GLDC: variants seen among roughly 807,000 people sequenced by gnomAD.
GLDC encodes glycine decarboxylase, also known as glycine dehydrogenase (decarboxylating), mitochondrial.
Under a neutral mutation model 121.3 loss-of-function variants are expected in GLDC, and 104 were observed. That is an observed-to-expected ratio of 0.86 (90% CI 0.73 to 1.01). The LOEUF (loss-of-function observed/expected upper bound fraction) is 1.01, where lower values mean the gene tolerates loss of function less well. GLDC is among the 50% of genes least tolerant of loss of function. GLDC has a pLI of 0.00. For missense variants in GLDC, 1,429 were observed against 1,306.6 expected (o/e 1.09, Z -1.44); for synonymous variants, 546 against 480.6 (o/e 1.14, Z -1.78).
intron 20 of GLDC, among the ~76,000 whole-genome samples, chr9:6,552,838 A>C (rs928060749): frequency 6.6e-6 from 1 of 152,188 alleles, no homozygotes; most frequent in South Asian, 2.1e-4. Flanking sequence ...CTAATTACGC[A>C]GAGAGCACAG....
intron 21 of GLDC, among the ~76,000 whole-genome samples, chr9:6,548,151 A>G (rs1353875444): frequency 2.0e-5 from 3 of 152,190 alleles, no homozygotes; most frequent in Non-Finnish European, 2.9e-5. Context: ...AGTATGATCA[A>G]TTGTACAAAC....
chr9:6,621,309 A>T lies in GLDC; in HGVS notation c.335-990T>A, dbSNP rs1819089183. ...TCTCGGGTCATTCATATAATCACAA[A>T]ATAATAATAGCATTTGACATTTATT... On this transcript the variant is annotated intron_variant, in intron 2 of 24. Coordinates refer to ENST00000321612, the MANE Select transcript of GLDC (RefSeq NM_000170.3). Among the ~76,000 whole-genome samples, 2 of 152,228 alleles carry T rather than the reference A, an allele frequency of 1.3e-5. 1 individual carries two copies. The highest frequency in any genetic ancestry group is 4.1e-4 in the South Asian group (2 of 4,826).
At chr9:6,593,268 GAT>G (rs34438524) in intron 9 of GLDC, among the ~76,000 whole-genome samples, 103 of 143,852 alleles carry the variant, frequency 7.2e-4, no homozygotes, top group African/African-American at 2.1e-3. Flanking sequence ...GGTAGTATCA[GAT>G]ATATATATAT....
chr9:6,633,699 T>C (rs1819437854), intron 2 of GLDC, among the ~76,000 whole-genome samples: 1 of 151,872 alleles, frequency 6.6e-6, no homozygotes, highest in East Asian at 1.9e-4. Context: ...GGAGGGTGGA[T>C]CACCTGAGGT....
chr9:6,616,221 T>G (rs978792263), intron 3 of GLDC, among the ~76,000 whole-genome samples: 2 of 152,238 alleles, frequency 1.3e-5, no homozygotes, highest in Non-Finnish European at 2.9e-5. Flanking sequence ...TTCTGCAGAA[T>G]TCTGTTTAGA....
rs764568781 is a variant in GLDC, at chr9:6,588,626, T to C, written c.1657A>G (p.Ile553Val). The C allele has an allele frequency of 6.2e-7, 1 of 1,608,496 alleles. No homozygotes were observed. Among genetic ancestry groups the C allele is most frequent in the South Asian group, 1.1e-5 (1 of 90,996 alleles). The change falls in exon 13 of 25, where the codon ATT becomes GTT. Residue 553 changes from isoleucine (I) to valine (V), a missense_variant. Physicochemically the swap from Ile to Val is conservative, Grantham distance 29. Transcript: ENST00000321612. The stretch of plus-strand genomic sequence containing the variant: ...AGGCCACAAATAACTACCAGTGGAA[T>C]CATGCTGTGAACAAGGGAAATGTCT... ...NKDISLVHSM[I>V]PLGSCTMKLN...
intron 2 of GLDC, chr9:6,623,209 T>C (rs1819153787): frequency 5.6e-6 from 1 of 177,414 alleles, no homozygotes. Flanking sequence ...AGAAATCGGA[T>C]GGTTGCTGTG....
At chr9:6,576,012 T>C (rs554893461) in intron 15 of GLDC, among the ~76,000 whole-genome samples, 4 of 152,242 alleles carry the variant, frequency 2.6e-5, no homozygotes, top group Admixed American at 6.5e-5. Context: ...GATAAGCTTC[T>C]TGACATTTTT....
intron 11 of GLDC, among the ~76,000 whole-genome samples, chr9:6,591,175 C>T (rs1818367970): frequency 6.6e-6 from 1 of 152,332 alleles, no homozygotes; most frequent in Admixed American, 6.5e-5. Flanking sequence ...ACTCATTACA[C>T]TGAACTGCTT....
intron 7 of GLDC, 53 bp from the exon 8 acceptor site, chr9:6,602,258 A>T: frequency 9.6e-7 from 1 of 1,044,416 alleles, no homozygotes; most frequent in Non-Finnish European, 1.5e-6. Flanking sequence ...GCACTGGGAG[A>T]TGCTATAAAT....
At position 6,639,165 on chromosome 9, in the gene GLDC, G is replaced by A. The variant is rs1819573866; in HGVS notation, c.334+5449C>T. On this transcript the variant is annotated intron_variant, in intron 2 of 24. Transcript: ENST00000321612. ...GATGGCGCCGAAAGCGAAGAAGGAA[G>A]CTCCTGCCCCTCCTAAAGCCGAAGC... The A allele has an allele frequency of 5.1e-6, 4 of 777,518 alleles. No individual in the cohort carries two copies. In the Admixed American group the frequency reaches 5.5e-5, roughly 11 times the overall value. 48.2% of individuals were successfully genotyped at this position (777,518 alleles called of 1,614,324 possible). A position where few individuals can be genotyped will look rare whatever the true frequency, so the allele number is the denominator to read the frequency against.
intron 2 of GLDC, chr9:6,639,506 C>G (rs1483941541): frequency 1.2e-6 from 1 of 837,306 alleles, no homozygotes; most frequent in Non-Finnish European, 2.1e-6. Context: ...ATGATGTGGC[C>G]AAGGGCAACA....
intron 22 of GLDC, among the ~76,000 whole-genome samples, chr9:6,538,164 T>G (rs1587910753): frequency 6.6e-6 from 1 of 152,222 alleles, no homozygotes; most frequent in South Asian, 2.1e-4. Context: ...CTGCCCTTAA[T>G]TCCATGTGTG....
rs141527372 is a variant in GLDC at position 6,585,361 on chromosome 9, T to A, written c.1850+1780A>T. 1.9e-3 allele frequency among the ~76,000 whole-genome samples: 286 copies of A among 152,322 alleles called. 1 individual carries two copies. The highest frequency in any genetic ancestry group is 6.5e-3 in the African/African-American group (269 of 41,568). On this transcript the variant is annotated intron_variant, in intron 15 of 24. Coordinates refer to ENST00000321612, the MANE Select transcript of GLDC (RefSeq NM_000170.3). Reference sequence around the variant, plus strand: ...TTCTTAATTTTCAACATTTAATAACTATCATAGACTCAAGGTTCAGAATTC... The same window carrying A: ...TTCTTAATTTTCAACATTTAATAACAATCATAGACTCAAGGTTCAGAATTC...
At chr9:6,588,047 C>T (rs144470099) in intron 14 of GLDC, among the ~76,000 whole-genome samples, 285 of 127,534 alleles carry the variant, frequency 2.2e-3, no homozygotes, top group African/African-American at 8.3e-3. Flanking sequence ...GCTTAAGGTT[C>T]GTAATTCTAC....
chr9:6,539,245 A>T (rs906787612), intron 22 of GLDC, among the ~76,000 whole-genome samples: 1 of 152,198 alleles, frequency 6.6e-6, no homozygotes. Context: ...TCGGAGGCCG[A>T]GGTGGGTGGA....
At chr9:6,615,101 C>T (rs370210991) in intron 3 of GLDC, among the ~76,000 whole-genome samples, 2 of 152,168 alleles carry the variant, frequency 1.3e-5, no homozygotes, top group East Asian at 1.9e-4. Context: ...TATCTCTTGC[C>T]TCTCAATGGA....
intron 21 of GLDC, among the ~76,000 whole-genome samples, chr9:6,546,699 C>A (rs575773933): frequency 6.6e-6 from 1 of 151,812 alleles, no homozygotes; most frequent in Middle Eastern, 3.2e-3. Context: ...CAGTGGCTCA[C>A]GCCTGTAATC....
intron 2 of GLDC, among the ~76,000 whole-genome samples, chr9:6,626,976 T>G (rs1415386102): frequency 6.6e-6 from 1 of 152,188 alleles, no homozygotes; most frequent in East Asian, 1.9e-4. Context: ...TTACACACTT[T>G]AATTAAATAC....
Sources: gnomAD v4.1 joint callset for allele counts (sites outside exome capture counted in the v4.1 genomes callset) on GRCh38, gnomAD v4.1.1 for gene constraint, MANE v1.5 for transcripts, NCBI Gene and HGNC (gene_info 2026-07-23, HGNC 2026-07-21) for gene names.